Variants in UGT1A10 observed in about 807,000 individuals in gnomAD.
UGT1A10 encodes UDP-glucuronosyltransferase 1A10.
Under a neutral mutation model 45.8 loss-of-function variants are expected in UGT1A10, and 49 were observed. The observed-to-expected ratio is 1.07, with a 90% CI of 0.85 to 1.36. The LOEUF (loss-of-function observed/expected upper bound fraction) is 1.36, where lower values mean the gene tolerates loss of function less well. UGT1A10 is among the 40% of genes most tolerant of loss of function. The pLI is 0.00. For missense variants in UGT1A10, 745 were observed against 668.6 expected (o/e 1.11, Z -1.26); for synonymous variants, 284 against 249.7 (o/e 1.14, Z -1.29).
Position 233,768,588 on chromosome 2 carries a change from T to TTC in UGT1A10, c.1295+150_1295+151insCT. 11 of 996,616 alleles carry TTC rather than the reference T, an allele frequency of 1.1e-5. No individual in the cohort carries two copies. In the East Asian group the frequency reaches 2.1e-4, roughly 19 times the overall value. The allele number at this position is 996,616 out of a possible 1,614,324, so 61.7% of individuals were successfully genotyped here. A position where few individuals can be genotyped will look rare whatever the true frequency, so the allele number is the denominator to read the frequency against. On this transcript the variant is annotated intron_variant, in intron 4 of 4. Transcript: ENST00000344644. ...ATCTGGATTTTTATTTCTTCTTTTT[T>TTC]TTTTTTTTTTTTTTTTGAGATGGAG...
intron 1 of UGT1A10, among the ~76,000 whole-genome samples, chr2:233,674,814 T>C (rs369888955): frequency 1.3e-5 from 2 of 152,180 alleles, no homozygotes; most frequent in East Asian, 1.9e-4. Context: ...AAAGAAGGCT[T>C]TCCGGCAAAG....
At chr2:233,761,722 G>C (rs1220395060) in intron 1 of UGT1A10, among the ~76,000 whole-genome samples, 1 of 152,224 alleles carries the variant, frequency 6.6e-6, no homozygotes, top group African/African-American at 2.4e-5. Context: ...CAAGCTATTA[G>C]GTTTATTTTT....
rs1389951829 is a variant in UGT1A10 at position 233,685,797 on chromosome 2, G to GT, written c.855+48422dup. ...TTTGTTTTAAAGAAAATCTTGGCAT[G>GT]TTGTCTCATCACGAAATACTTCACT... On this transcript the variant is annotated intron_variant, in intron 1 of 4. Coordinates refer to ENST00000344644, the MANE Select transcript of UGT1A10 (RefSeq NM_019075.4). 3.3e-5 allele frequency among the ~76,000 whole-genome samples: 5 copies of GT among 152,240 alleles called. No homozygotes were observed. In the South Asian group the frequency reaches 1.0e-3, roughly 32 times the overall value.
At chr2:233,677,807 C>T (rs1006257763) in intron 1 of UGT1A10, among the ~76,000 whole-genome samples, 1 of 151,832 alleles carries the variant, frequency 6.6e-6, no homozygotes. Flanking sequence ...TGTCATTCGA[C>T]CCAGCAATCC....
chr2:233,750,583 G>C (rs1175695662), intron 1 of UGT1A10: 1 of 151,928 alleles, frequency 6.6e-6, no homozygotes, highest in Non-Finnish European at 1.5e-5. Context: ...TCACAGGCCT[G>C]GAGGCCTAGG....
At chr2:233,690,381 G>A (rs890427076) in intron 1 of UGT1A10, 15 of 1,010,112 alleles carry the variant, frequency 1.5e-5, no homozygotes, top group Admixed American at 1.1e-4. Flanking sequence ...TAGGGTCCAC[G>A]TTTCCAGACC....
intron 1 of UGT1A10, chr2:233,755,391 C>A: frequency 2.9e-6 from 1 of 343,030 alleles, no homozygotes; most frequent in Non-Finnish European, 5.7e-6. Context: ...TATGACGCAG[C>A]CACATCTCAT....
intron 1 of UGT1A10, among the ~76,000 whole-genome samples, chr2:233,727,012 G>T (rs2077577761): frequency 6.6e-6 from 1 of 152,100 alleles, no homozygotes; most frequent in Non-Finnish European, 1.5e-5. Flanking sequence ...TTTATCATTT[G>T]TTGTTTTTGT....
At chr2:233,747,535 A>C in intron 1 of UGT1A10, 1 of 1,605,190 alleles carries the variant, frequency 6.2e-7, no homozygotes. Flanking sequence ...CATTTTCTGA[A>C]GACATTTTCT....
chr2:233,648,834 A>G, intron 1 of UGT1A10: 1 of 1,108,722 alleles, frequency 9.0e-7, no homozygotes, highest in Non-Finnish European at 1.3e-6. Flanking sequence ...TATTTTGCCC[A>G]TATTTTTTCA....
chr2:233,738,744 T>G (rs1482217352), intron 1 of UGT1A10, among the ~76,000 whole-genome samples: 1 of 152,136 alleles, frequency 6.6e-6, no homozygotes, highest in Non-Finnish European at 1.5e-5. Flanking sequence ...CCTGACCATG[T>G]GGTAGAAAAG....
chr2:233,729,421 C>T (rs1041783998), intron 1 of UGT1A10: 2 of 1,613,652 alleles, frequency 1.2e-6, no homozygotes, highest in Non-Finnish European at 1.7e-6. Context: ...CCACACTCAA[C>T]TGTACTTTGA....
intron 1 of UGT1A10, chr2:233,690,033 G>A: frequency 2.4e-6 from 1 of 420,618 alleles, no homozygotes; most frequent in Non-Finnish European, 4.7e-6. Flanking sequence ...CAAGATCTGG[G>A]CCCAGAGCAT....
At position 233,685,535 on chromosome 2, in the gene UGT1A10, G is replaced by A. The variant is rs578097287; in HGVS notation, c.855+48158G>A. On this transcript the variant is annotated intron_variant, in intron 1 of 4. Transcript: ENST00000344644. ...GATCTATGCTTTCCCCATTGCTCTCGCATTCTGTTTTTGATCCAAATTCAA... is the reference window on the plus strand; with the variant it reads ...GATCTATGCTTTCCCCATTGCTCTCACATTCTGTTTTTGATCCAAATTCAA... Among the ~76,000 whole-genome samples the A allele has an allele frequency of 4.6e-5, 7 of 152,264 alleles. No individual in the cohort carries two copies. The East Asian group carries it at 1.2e-3, about 25-fold the overall frequency.
intron 1 of UGT1A10, among the ~76,000 whole-genome samples, chr2:233,716,306 C>A (rs1005131476): frequency 6.6e-6 from 1 of 152,218 alleles, no homozygotes; most frequent in African/African-American, 2.4e-5. Context: ...AAAGTCTCTT[C>A]CACCTGTAAT....
chr2:233,746,471 A>T (rs538596800), intron 1 of UGT1A10, among the ~76,000 whole-genome samples: 1 of 151,696 alleles, frequency 6.6e-6, no homozygotes, highest in Non-Finnish European at 1.5e-5. Flanking sequence ...GGGTTCCAGA[A>T]ACACTTTCCA....
At position 233,681,388 on chromosome 2, in the gene UGT1A10, G is replaced by A. The variant is rs570402394; in HGVS notation, c.855+44011G>A. On this transcript the variant is annotated intron_variant, in intron 1 of 4. Transcript: ENST00000344644. Reference sequence around the variant, plus strand: ...GTCTCCACTAAAATACAAAAAGTTAGCTGGGCATGGCAGCGTGCGCCTGTA... The same window carrying A: ...GTCTCCACTAAAATACAAAAAGTTAACTGGGCATGGCAGCGTGCGCCTGTA... Among the ~76,000 whole-genome samples the A allele has an allele frequency of 9.9e-5, 15 of 151,988 alleles. No homozygotes were observed. The Middle Eastern group carries it at 0.02, about 207-fold the overall frequency.
intron 1 of UGT1A10, among the ~76,000 whole-genome samples, chr2:233,709,618 G>A (rs1414884854): frequency 6.6e-6 from 1 of 152,156 alleles, no homozygotes; most frequent in Non-Finnish European, 1.5e-5. Flanking sequence ...AAATATAGGT[G>A]TTTTGCTGTG....
In UGT1A10 at chr2:233,637,146, G is replaced by A. The variant is rs144759885; in HGVS notation, c.624G>A (p.Trp208Ter). ...CCATGACTTTCAAGGAGAGAGTATG[G>A]AACCACATCGTGCACTTGGAGGACC... ...SDAMTFKERV[W>*]NHIVHLEDHL... The change falls in exon 1 of 5, where the codon TGG becomes TGA. Residue 208 changes from tryptophan (W) to a stop codon, truncating the protein, a stop_gained. Transcript: ENST00000344644. LOFTEE classifies it high-confidence loss of function. 1,033 of 1,613,908 alleles carry A rather than the reference G, an allele frequency of 6.4e-4. 3 individuals carry two copies. The highest frequency in any genetic ancestry group is 1.1e-3 in the Admixed American group (67 of 60,016).
Sources: gnomAD v4.1 joint callset for allele counts (sites outside exome capture counted in the v4.1 genomes callset) on GRCh38, gnomAD v4.1.1 for gene constraint, MANE v1.5 for transcripts, NCBI Gene and HGNC (gene_info 2026-07-23, HGNC 2026-07-21) for gene names.